CHFR: variants seen among roughly 807,000 people sequenced by gnomAD.
The protein encoded by CHFR is checkpoint with forkhead and ring finger domains, also known as E3 ubiquitin-protein ligase CHFR.
Under a neutral mutation model 87.6 loss-of-function variants are expected in CHFR, and 57 were observed. The observed-to-expected ratio is 0.65, with a 90% confidence interval of 0.53 to 0.81. CHFR has a LOEUF of 0.81. Among genes scored for constraint, CHFR ranks in the 30% least tolerant of loss-of-function variants. The pLI is 0.00. For synonymous variants in CHFR, 381 were observed against 359.2 expected, an observed-to-expected ratio of 1.06 and a Z score of -0.69; for missense variants, 797 against 865.8, an observed-to-expected ratio of 0.92 and a Z score of 1.00.
chr12:132,885,442 A>AAATC, intron 2 of CHFR, among the ~76,000 whole-genome samples: 1 of 151,526 alleles, frequency 6.6e-6, no homozygotes, highest in Non-Finnish European at 1.5e-5. Context: ...ATAAATAAAT[A>AAATC]AATAAATAAA....
chr12:132,850,242 T>G (rs982566254), intron 12 of CHFR, among the ~76,000 whole-genome samples: 14 of 151,546 alleles, frequency 9.2e-5, no homozygotes, highest in Non-Finnish European at 1.9e-4. Flanking sequence ...TGTCTGATAT[T>G]CTATACAATG....
intron 11 of CHFR, among the ~76,000 whole-genome samples, chr12:132,852,624 T>C (rs1056625760): frequency 2.1e-4 from 32 of 152,144 alleles, no homozygotes; most frequent in African/African-American, 7.7e-4. Context: ...GGTCCCACCA[T>C]GCAAAGGAAG....
chr12:132,868,272 C>T (rs1384179664), intron 6 of CHFR, among the ~76,000 whole-genome samples: 1 of 152,152 alleles, frequency 6.6e-6, no homozygotes, highest in African/African-American at 2.4e-5. Flanking sequence ...GGACAGATCA[C>T]GAGGTCAGGA....
At chr12:132,847,446 G>A (rs930541530) in intron 14 of CHFR, 12 of 1,127,478 alleles carry the variant, frequency 1.1e-5, no homozygotes, top group Middle Eastern at 4.1e-4. Context: ...GCCCAGCAAC[G>A]AGCCCAGGCT....
At position 132,836,558 on chromosome 12, in the gene CHFR, A is replaced by G. The variant is rs1345924298; in HGVS notation, c.*4996T>C. ...TCCCAGCACGGCGCACGGCACTCAC[A>G]GTGACAGGCTCCCAGCACGGCGCAC... On this transcript the variant is annotated 3_prime_UTR_variant, in exon 18 of 18. Transcript: ENST00000450056. 1 of 428,424 alleles carries G rather than the reference A, an allele frequency of 2.3e-6. No homozygotes were observed. The highest frequency in any genetic ancestry group is 2.1e-5 in the African/African-American group (1 of 48,756). 26.5% of individuals were successfully genotyped at this position (428,424 alleles called of 1,614,324 possible).
At chr12:132,872,219 T>C in intron 4 of CHFR, 66 bp downstream of exon 4, 1 of 992,784 alleles carries the variant, frequency 1.0e-6, no homozygotes, top group Non-Finnish European at 1.6e-6. Flanking sequence ...AGGAGGAACG[T>C]TCAGAGAGCG....
At chr12:132,845,638 A>G (rs1950805129) in intron 15 of CHFR, among the ~76,000 whole-genome samples, 1 of 152,118 alleles carries the variant, frequency 6.6e-6, no homozygotes, top group Admixed American at 6.6e-5. Context: ...CGACAGAGCA[A>G]GAACCTGTCT....
In CHFR at chr12:132,853,482, C is replaced by A. The variant is rs768798394; in HGVS notation, c.1321G>T (p.Ala441Ser). The A allele has an allele frequency of 1.3e-6, 2 of 1,540,636 alleles. No individual in the cohort carries two copies. Among genetic ancestry groups the A allele is most frequent in the Admixed American group, 2.2e-5 (1 of 46,368 alleles). ...HCPAPEGEPG[A>S]PQALGDAPST... ...GGTGCATCCCCCAGGGCCTGTGGGG[C>A]TCCTGGCTCGCCCTCGGGTGCTGGG... is the stretch of plus-strand genomic sequence containing the variant. Residue 441 changes from alanine to serine, a missense_variant, in exon 11 of 18, where the codon GCC becomes TCC. Around this residue, in one of 2 missense-constraint regions of CHFR, gnomAD observed 597 missense variants for 601.2 expected, o/e 0.99. Transcript: ENST00000450056.
chr12:132,853,404 C>G, intron 11 of CHFR, 27 bp downstream of exon 11: 1 of 1,489,390 alleles, frequency 6.7e-7, no homozygotes, highest in Non-Finnish European at 8.9e-7. Context: ...CACGCGAAGG[C>G]TGAGGCCTGA....
chr12:132,874,398 A>G (rs1373011589), intron 3 of CHFR, among the ~76,000 whole-genome samples: 1 of 135,674 alleles, frequency 7.4e-6, no homozygotes, highest in Non-Finnish European at 1.6e-5. Flanking sequence ...TGGAACAGGT[A>G]GAAAGGCCCA....
Position 132,847,145 on chromosome 12 carries a change from AAG to A in CHFR, c.1648-17_1648-16del, listed in dbSNP as rs1189806891. ...GCCAGGTAATTCTGTGACGCAAAAA[AAG>A]AGAGGAATAAGAAATACTCGTTTAG... On this transcript the variant is annotated splice_polypyrimidine_tract_variant and intron_variant, in intron 14 of 17. Coordinates refer to ENST00000450056, the MANE Select transcript of CHFR (RefSeq NM_001161346.2). 1.9e-6 allele frequency: 3 copies of A among 1,613,256 alleles called. No individual in the cohort carries two copies. Among genetic ancestry groups the A allele is most frequent in the Middle Eastern group, 1.7e-4 (1 of 6,056 alleles).
rs769207559 is a variant in CHFR, at chr12:132,851,619, C to T, written c.1491G>A (p.Gln497=). ...REQDPRVAPQ[Q]CAVCLQPFCH... is the part of the protein sequence containing the mutation. ...GCGTGCGGTGGCGCGGGCACTCACACTGCTGAGGGGCGACACGCGGGTCCT... is the reference window on the plus strand; with the variant it reads ...GCGTGCGGTGGCGCGGGCACTCACATTGCTGAGGGGCGACACGCGGGTCCT... Residue 497 remains glutamine (Q), a splice_region_variant and synonymous_variant, in exon 12 of 18, where the codon CAG becomes CAA. Coordinates refer to ENST00000450056, the MANE Select transcript of CHFR (RefSeq NM_001161346.2). 42 of 1,609,134 alleles carry T rather than the reference C, an allele frequency of 2.6e-5. No individual in the cohort carries two copies. Among genetic ancestry groups the T allele is most frequent in the Non-Finnish European group, 3.4e-5 (40 of 1,178,162 alleles).
chr12:132,852,071 C>A (rs1009559960), intron 11 of CHFR, among the ~76,000 whole-genome samples: 1 of 151,910 alleles, frequency 6.6e-6, no homozygotes, highest in East Asian at 1.9e-4. Context: ...GCAAGCTCCG[C>A]CTCCCGGGTT....
chr12:132,883,651 C>A (rs1951819542), intron 2 of CHFR, among the ~76,000 whole-genome samples: 2 of 151,316 alleles, frequency 1.3e-5, no homozygotes, highest in Non-Finnish European at 2.9e-5. Flanking sequence ...GGTGTGAACC[C>A]AAGAGGCAGA....
intron 6 of CHFR, chr12:132,866,610 GAAAGTTACAACACA>G (rs1566193358): frequency 6.8e-5 from 8 of 117,034 alleles, no homozygotes; most frequent in East Asian, 2.4e-4. Context: ...CAACACACCA[GAAAGTTACAACACA>G]CCGCGTAACA....
At chr12:132,885,493 G>T (rs915810966) in intron 2 of CHFR, among the ~76,000 whole-genome samples, 7 of 151,852 alleles carry the variant, frequency 4.6e-5, no homozygotes, top group South Asian at 4.2e-4. Flanking sequence ...GTAGTATTTT[G>T]CTATGGTAGT....
At position 132,838,013 on chromosome 12, in the gene CHFR, T is replaced by G. The variant is rs1035907745; in HGVS notation, c.*3541A>C. 1 of 152,268 alleles carries G rather than the reference T, an allele frequency of 6.6e-6. No homozygotes were observed. Among genetic ancestry groups the G allele is most frequent in the Non-Finnish European group, 1.5e-5 (1 of 68,098 alleles). 9.4% of individuals were successfully genotyped at this position (152,268 alleles called of 1,614,324 possible). A position where few individuals can be genotyped will look rare whatever the true frequency, so the allele number is the denominator to read the frequency against. ...CCCTGGCAGTGACTCTGGGGCCTCT[T>G]CAGGGAGCCGGCTGCAGCTGCCTCA... On this transcript the variant is annotated 3_prime_UTR_variant, in exon 18 of 18. Transcript: ENST00000450056.
In CHFR at chr12:132,887,239, G is replaced by T. The variant is rs1163686245; in HGVS notation, c.90C>A (p.His30Gln). ...LRLGAEEGEP[H>Q]VLLRKREWTI... ...TCCACTCCCGCTTCCTCAGGAGGAC[G>T]TGCGGCTCGCCCTCCTCCGCGCCCA... The change falls in exon 2 of 18, where the codon CAC becomes CAA. Residue 30 changes from histidine to glutamine, a missense_variant. Transcript: ENST00000450056. 2.0e-5 allele frequency: 30 copies of T among 1,504,030 alleles called. No homozygotes were observed. The highest frequency in any genetic ancestry group is 2.6e-5 in the Non-Finnish European group (30 of 1,133,270). 93.2% of individuals were successfully genotyped at this position (1,504,030 alleles called of 1,614,324 possible).
chr12:132,853,626 G>C lies in CHFR; in HGVS notation c.1230-53C>G, dbSNP rs972717972. The C allele has an allele frequency of 4.0e-4, 589 of 1,479,430 alleles. No homozygotes were observed. The Middle Eastern group carries it at 7.5e-3, about 19-fold the overall frequency. 91.6% of individuals were successfully genotyped at this position (1,479,430 alleles called of 1,614,324 possible). The stretch of plus-strand genomic sequence containing the variant: ...GTGCAGGCCCCAAGCCTCTCAGGTA[G>C]GGCCGGTGCAACGCGGGTCCGCAGC... On this transcript the variant is annotated intron_variant, in intron 10 of 17. Coordinates refer to ENST00000450056, the MANE Select transcript of CHFR (RefSeq NM_001161346.2).
Sources: gnomAD v4.1 joint callset for allele counts (sites outside exome capture counted in the v4.1 genomes callset) on GRCh38, gnomAD v4.1.1 for gene constraint, gnomAD v4.1.1 regional missense constraint, MANE v1.5 for transcripts, NCBI Gene and HGNC (gene_info 2026-07-23, HGNC 2026-07-21) for gene names.